Variants in LAMA4 observed in about 807,000 individuals in gnomAD.
LAMA4 encodes laminin subunit alpha 4, also known as laminin subunit alpha-4.
LAMA4 carries 127 observed loss-of-function variants against 207.1 expected under a neutral mutation model. The ratio of observed to expected loss-of-function variants is 0.61; its 90% CI spans 0.53 to 0.71. The LOEUF is 0.71. Among genes scored for constraint, LAMA4 ranks in the 30% least tolerant of loss-of-function variants. The pLI, the probability that LAMA4 is intolerant of heterozygous loss-of-function variation, is 0.00. For missense variants in LAMA4, 2,093 were observed against 2,246.5 expected (o/e 0.93, Z 1.38); for synonymous variants, 761 against 816.0 (o/e 0.93, Z 1.15).
At chr6:112,215,698 C>A (rs1411189356) in intron 3 of LAMA4, among the ~76,000 whole-genome samples, 2 of 152,172 alleles carry the variant, frequency 1.3e-5, no homozygotes, top group Non-Finnish European at 1.5e-5. Context: ...TCAGTCCATT[C>A]ATTAAAAATG....
intron 38 of LAMA4, among the ~76,000 whole-genome samples, chr6:112,111,027 A>G (rs1181110474): frequency 6.6e-6 from 1 of 152,130 alleles, no homozygotes; most frequent in Non-Finnish European, 1.5e-5. Flanking sequence ...TACATTAACA[A>G]AACCTTTTTA....
intron 10 of LAMA4, among the ~76,000 whole-genome samples, chr6:112,176,133 C>T (rs118154124): frequency 0.036 from 5,411 of 152,220 alleles, 319 homozygotes; most frequent in Admixed American, 0.17. Context: ...CCTTCTAGAG[C>T]GTGACTACTC....
chr6:112,156,784 C>T (rs534270580), intron 14 of LAMA4, among the ~76,000 whole-genome samples: 2 of 152,294 alleles, frequency 1.3e-5, no homozygotes, highest in South Asian at 2.1e-4. Flanking sequence ...CAATCTCCAG[C>T]ATCCAGTTCC....
At chr6:112,132,566 T>A (rs937766945) in intron 28 of LAMA4, among the ~76,000 whole-genome samples, 187 bp downstream of exon 28, 5 of 152,308 alleles carry the variant, frequency 3.3e-5, no homozygotes, top group Middle Eastern at 6.8e-3. Context: ...AATTCCAGGT[T>A]AGGAACTTCT....
rs551076023 is a variant in LAMA4, at chr6:112,125,238, T to C, written c.4288-3037A>G. ...CTTTCACTCTATGAAGGAGCTTTTT[T>C]TCCTCTGTGTATAATTAACATAATG... On this transcript the variant is annotated intron_variant, in intron 31 of 38. Coordinates refer to ENST00000230538, the MANE Select transcript of LAMA4 (RefSeq NM_001105206.3). Among the ~76,000 whole-genome samples the C allele has an allele frequency of 1.2e-3, 177 of 152,360 alleles. 3 individuals carry two copies. Among genetic ancestry groups the C allele is most frequent in the South Asian group, 8.3e-3 (40 of 4,830 alleles).
chr6:112,126,498 A>G (rs1330800511), intron 31 of LAMA4, among the ~76,000 whole-genome samples: 1 of 152,248 alleles, frequency 6.6e-6, no homozygotes, highest in Non-Finnish European at 1.5e-5. Context: ...CTAAGAAACT[A>G]CTAAGTTTTA....
intron 9 of LAMA4, among the ~76,000 whole-genome samples, chr6:112,182,727 G>C (rs547560784): frequency 6.6e-6 from 1 of 152,206 alleles, no homozygotes. Flanking sequence ...TCAAGATCCA[G>C]ATGGTGAGGG....
intron 30 of LAMA4, among the ~76,000 whole-genome samples, chr6:112,129,526 A>G (rs572983986): frequency 6.6e-6 from 1 of 152,276 alleles, no homozygotes; most frequent in South Asian, 2.1e-4. Flanking sequence ...TACAAAAATA[A>G]TTGCATCTAA....
chr6:112,162,965 C>CTTTTTTTTTTTTTTTT (rs34824903), intron 13 of LAMA4, among the ~76,000 whole-genome samples: 11 of 91,280 alleles, frequency 1.2e-4, no homozygotes, highest in African/African-American at 5.0e-4. Context: ...CAGCTCAAAT[C>CTTTTTTTTTTTTTTTT]TTTTTTTTTT....
chr6:112,157,419 A>C (rs148560880), intron 14 of LAMA4, among the ~76,000 whole-genome samples: 121 of 152,308 alleles, frequency 7.9e-4, no homozygotes, highest in African/African-American at 2.8e-3. Flanking sequence ...TTGTTCGAGC[A>C]TAGCACGTAA....
intron 5 of LAMA4, among the ~76,000 whole-genome samples, chr6:112,198,502 A>G (rs1554351213): frequency 6.6e-6 from 1 of 152,070 alleles, no homozygotes; most frequent in Non-Finnish European, 1.5e-5. Flanking sequence ...CCTCCTCTTA[A>G]CCCCAGGGTC....
chr6:112,111,847 T>C (rs1777716445), intron 38 of LAMA4, among the ~76,000 whole-genome samples: 1 of 152,134 alleles, frequency 6.6e-6, no homozygotes, highest in African/African-American at 2.4e-5. Context: ...ACTCTTGTAG[T>C]GAGGGATGAT....
intron 12 of LAMA4, among the ~76,000 whole-genome samples, chr6:112,166,988 G>C (rs929411360): frequency 6.6e-6 from 1 of 152,166 alleles, no homozygotes; most frequent in African/African-American, 2.4e-5. Flanking sequence ...CAGTGCTTTT[G>C]AAGGAGTATT....
At chr6:112,182,742 C>T (rs1387426039) in intron 9 of LAMA4, among the ~76,000 whole-genome samples, 5 of 152,132 alleles carry the variant, frequency 3.3e-5, no homozygotes, top group Non-Finnish European at 7.3e-5. Context: ...TGAGGGGCAG[C>T]ACTGAGATTG....
intron 3 of LAMA4, among the ~76,000 whole-genome samples, chr6:112,211,271 G>A (rs1458187540): frequency 6.6e-6 from 1 of 152,144 alleles, no homozygotes; most frequent in Non-Finnish European, 1.5e-5. Context: ...ACAGGGTTGG[G>A]CCTGAGCCTC....
intron 35 of LAMA4, among the ~76,000 whole-genome samples, chr6:112,116,739 A>T (rs1475540081): frequency 6.6e-6 from 1 of 152,062 alleles, no homozygotes; most frequent in Non-Finnish European, 1.5e-5. Context: ...ATCATTTAAA[A>T]TTTTTTCCTG....
intron 4 of LAMA4, among the ~76,000 whole-genome samples, chr6:112,204,979 G>A (rs986830633): frequency 7.9e-5 from 12 of 152,268 alleles, no homozygotes; most frequent in African/African-American, 2.9e-4. Context: ...TGATATTGGT[G>A]TTCAATTAAG....
intron 2 of LAMA4, among the ~76,000 whole-genome samples, chr6:112,252,016 A>G (rs868969107): frequency 6.6e-6 from 1 of 152,228 alleles, no homozygotes; most frequent in Non-Finnish European, 1.5e-5. Flanking sequence ...GTTCTAAGGA[A>G]TATTCTCAAA....
intron 37 of LAMA4, 21 bp from the exon 38 acceptor site, chr6:112,114,216 T>C: frequency 6.2e-7 from 1 of 1,610,966 alleles, no homozygotes; most frequent in South Asian, 1.1e-5. Flanking sequence ...GGGCAAAGAC[T>C]GGTCATAAGT....
Sources: allele counts gnomAD v4.1 joint callset (sites outside exome capture counted in the v4.1 genomes callset), GRCh38; gene constraint gnomAD v4.1.1; transcripts MANE v1.5; gene names NCBI Gene and HGNC (gene_info 2026-07-23, HGNC 2026-07-21).